The following ABHD2 variants were observed in gnomAD, a reference collection of about 807,000 sequenced individuals.
The protein encoded by ABHD2 is monoacylglycerol lipase ABHD2.
ABHD2 carries 20 observed loss-of-function variants against 48.1 expected under a neutral mutation model. The ratio of observed to expected loss-of-function variants is 0.42; its 90% CI spans 0.29 to 0.60. The LOEUF (loss-of-function observed/expected upper bound fraction) is 0.60, where lower values mean the gene tolerates loss of function less well. Among genes scored for constraint, ABHD2 ranks in the 20% least tolerant of loss-of-function variants. The probability of loss-of-function intolerance (pLI) is 0.24; values close to 1 mark genes in which losing one functional copy is unlikely to be tolerated. For missense variants in ABHD2, 405 were observed against 550.9 expected (o/e 0.74, Z 2.65); for synonymous variants, 209 against 214.2 (o/e 0.98, Z 0.21).
At chr15:89,119,591 A>C (rs2050016057) in intron 3 of ABHD2, among the ~76,000 whole-genome samples, 1 of 152,104 alleles carries the variant, frequency 6.6e-6, no homozygotes, top group African/African-American at 2.4e-5. Context: ...AGTAGCAGAG[A>C]GGGAAACTGA....
rs2051377142 is a variant in ABHD2 at position 89,195,156 on chromosome 15, C to A, written c.1082-71C>A. ...GGGACAGCCAGGCTACCCTAGCCAG[C>A]TCACCTCTGCACCTCCTGTCCTGGA... is the stretch of plus-strand genomic sequence containing the variant. On this transcript the variant is annotated intron_variant, in intron 10 of 10. Coordinates refer to ENST00000352732, the MANE Select transcript of ABHD2 (RefSeq NM_152924.5). The surrounding 1 kb of genome is among the most constrained non-coding windows in gnomAD (Gnocchi z 5.1). 1 of 1,539,848 alleles carries A rather than the reference C, an allele frequency of 6.5e-7. No homozygotes were observed. The highest frequency in any genetic ancestry group is 1.4e-5 in the African/African-American group (1 of 73,290).
the ABHD2 span, among the ~76,000 whole-genome samples, chr15:89,074,457 G>C: frequency 1.3e-5 from 2 of 152,080 alleles, no homozygotes; most frequent in East Asian, 1.9e-4. Flanking sequence ...AATCAGGAAA[G>C]CTGGGAGTGA....
At position 89,151,991 on chromosome 15, in the gene ABHD2, G is replaced by A. The variant is rs909732627; in HGVS notation, c.370+139G>A. The A allele has an allele frequency of 3.4e-5, 38 of 1,113,356 alleles. No individual in the cohort carries two copies. The highest frequency in any genetic ancestry group is 3.1e-4 in the Middle Eastern group (1 of 3,178). The allele number at this position is 1,113,356 out of a possible 1,614,324, so 69.0% of individuals were successfully genotyped here. On this transcript the variant is annotated intron_variant, in intron 4 of 10. Coordinates refer to ENST00000352732, the MANE Select transcript of ABHD2 (RefSeq NM_152924.5). This position sits in a 1 kb window ranked among gnomAD's most constrained non-coding sequence, Gnocchi z 4.7. ...GCTGTTGGGAAGCCTGCTGGGATTC[G>A]TCACTTAGGAGCAGCCTGCAAAGGT... is the stretch of plus-strand genomic sequence containing the variant.
At chr15:89,142,071 T>C (rs552718222) in intron 3 of ABHD2, among the ~76,000 whole-genome samples, 1 of 152,290 alleles carries the variant, frequency 6.6e-6, no homozygotes, top group Admixed American at 6.5e-5. Context: ...TGTTTTATCA[T>C]CCAAATAAGC....
At chr15:89,180,328 G>C (rs1336991818) in intron 6 of ABHD2, among the ~76,000 whole-genome samples, 3 of 151,928 alleles carry the variant, frequency 2.0e-5, no homozygotes, top group Admixed American at 2.0e-4. Flanking sequence ...ACTCATTCCT[G>C]TAAAAGTACA....
the ABHD2 span, among the ~76,000 whole-genome samples, chr15:89,044,099 T>A: frequency 6.6e-6 from 1 of 152,150 alleles, no homozygotes; most frequent in Non-Finnish European, 1.5e-5. Flanking sequence ...TTCCCCTTCC[T>A]GTGTCCATGT....
At position 89,164,774 on chromosome 15, in the gene ABHD2, C is replaced by T. The variant is rs1431977615; in HGVS notation, c.538+9240C>T. ...CCTAGACGACAGAGACTGACCCTGTCTTTAAAAAAAAAAAAATGGCAATAA... is the reference window on the plus strand; with the variant it reads ...CCTAGACGACAGAGACTGACCCTGTTTTTAAAAAAAAAAAAATGGCAATAA... On this transcript the variant is annotated intron_variant, in intron 5 of 10. Transcript: ENST00000352732. The surrounding 1 kb of genome is among the most constrained non-coding windows in gnomAD (Gnocchi z 5.0). 6.7e-6 allele frequency among the ~76,000 whole-genome samples: 1 copy of T among 148,428 alleles called. No homozygotes were observed. Among genetic ancestry groups the T allele is most frequent in the African/African-American group, 2.6e-5 (1 of 38,784 alleles).
chr15:89,131,642 A>T (rs2050221536), intron 3 of ABHD2, among the ~76,000 whole-genome samples: 1 of 152,256 alleles, frequency 6.6e-6, no homozygotes, highest in Admixed American at 6.5e-5. Context: ...TGATGAGGAA[A>T]TGATAAAAGT....
intron 3 of ABHD2, among the ~76,000 whole-genome samples, chr15:89,126,079 C>T (rs1038469065): frequency 3.3e-5 from 5 of 152,168 alleles, no homozygotes; most frequent in Admixed American, 6.5e-5. Flanking sequence ...TTATACCGCC[C>T]TATTCATCAT....
chr15:89,121,660 C>G (rs1161342432), intron 3 of ABHD2, among the ~76,000 whole-genome samples: 1 of 152,090 alleles, frequency 6.6e-6, no homozygotes, highest in Non-Finnish European at 1.5e-5. Context: ...CTTCCTCAAG[C>G]AGGCCAGCAG....
intron 3 of ABHD2, among the ~76,000 whole-genome samples, chr15:89,117,319 C>T (rs2049977446): frequency 6.6e-6 from 1 of 152,248 alleles, no homozygotes; most frequent in Non-Finnish European, 1.5e-5. Flanking sequence ...AGCCACTGCA[C>T]CTTCCTCCAG....
chr15:89,075,923 G>C, the ABHD2 span, among the ~76,000 whole-genome samples: 2 of 152,242 alleles, frequency 1.3e-5, no homozygotes, highest in South Asian at 2.1e-4. This position sits in a 1 kb window ranked among gnomAD's most constrained non-coding sequence, Gnocchi z 4.1. Context: ...AAGTAAAGAA[G>C]AACTGAAAGC....
rs1354931338 is a variant in ABHD2 at position 89,102,152 on chromosome 15, A to G, written c.-106-11573A>G. Among the ~76,000 whole-genome samples the G allele has an allele frequency of 6.6e-6, 1 of 152,046 alleles. No homozygotes were observed. The highest frequency in any genetic ancestry group is 1.5e-5 in the Non-Finnish European group (1 of 67,990). On this transcript the variant is annotated intron_variant, in intron 1 of 10. Transcript: ENST00000352732. The surrounding 1 kb of genome is among the most constrained non-coding windows in gnomAD (Gnocchi z 4.8). ...CCCAGCATTCTTGGGCCTTGGCTCAACTGTGAGCCCAGCCTGACGTCTGCA... is the reference window on the plus strand; with the variant it reads ...CCCAGCATTCTTGGGCCTTGGCTCAGCTGTGAGCCCAGCCTGACGTCTGCA...
In ABHD2 at chr15:89,097,346, T is replaced by A. The variant is rs774557054; in HGVS notation, c.-107+8783T>A. Among the ~76,000 whole-genome samples, 2 of 152,256 alleles carry A rather than the reference T, an allele frequency of 1.3e-5. No individual in the cohort carries two copies. Among genetic ancestry groups the A allele is most frequent in the Non-Finnish European group, 2.9e-5 (2 of 68,040 alleles). On this transcript the variant is annotated intron_variant, in intron 1 of 10. Transcript: ENST00000352732. This position sits in a 1 kb window ranked among gnomAD's most constrained non-coding sequence, Gnocchi z 4.2. ...TAATTCTTAAATATAAAGACTCCTT[T>A]GTTAAACACCCATTATTACTCTTTG... is the stretch of plus-strand genomic sequence containing the variant.
At chr15:89,154,124 G>A (rs1311946425) in intron 4 of ABHD2, among the ~76,000 whole-genome samples, 1 of 152,136 alleles carries the variant, frequency 6.6e-6, no homozygotes, top group Non-Finnish European at 1.5e-5. Flanking sequence ...GCCCTGTTTA[G>A]AGGTACAGTG....
At chr15:89,084,772 T>C (rs1195022984), upstream of ABHD2, among the ~76,000 whole-genome samples, 1 of 152,196 alleles carries the variant, frequency 6.6e-6, no homozygotes, top group Non-Finnish European at 1.5e-5. This position sits in a 1 kb window ranked among gnomAD's most constrained non-coding sequence, Gnocchi z 4.4. Context: ...TTTAGGTATT[T>C]GCCAGGTACT....
At chr15:89,042,583 CTTTCTTATTTAT>C in the ABHD2 span, among the ~76,000 whole-genome samples, 1 of 139,848 alleles carries the variant, frequency 7.2e-6, no homozygotes, top group Non-Finnish European at 1.5e-5. Context: ...TTCTTTCTTT[CTTTCTTATTTAT>C]TTATTTATTT....
chr15:89,076,635 C>T, the ABHD2 span, among the ~76,000 whole-genome samples: 1 of 152,068 alleles, frequency 6.6e-6, no homozygotes, highest in Admixed American at 6.6e-5. Context: ...AGGTGCATGC[C>T]ACCATGTCCA....
chr15:89,171,070 C>G (rs529159082), intron 5 of ABHD2, among the ~76,000 whole-genome samples: 1 of 151,984 alleles, frequency 6.6e-6, no homozygotes, highest in East Asian at 1.9e-4. Flanking sequence ...GAGTCAAGAT[C>G]GCACCACTGC....
Sources: allele counts gnomAD v4.1 joint callset (sites outside exome capture counted in the v4.1 genomes callset), GRCh38; gene constraint gnomAD v4.1.1; non-coding constraint Gnocchi (gnomAD v3.1); transcripts MANE v1.5; gene names NCBI Gene and HGNC (gene_info 2026-07-23, HGNC 2026-07-21).